Variants in ESRRG observed in about 807,000 individuals in gnomAD.
ESRRG encodes estrogen-related receptor gamma.
Under a neutral mutation model 44.0 loss-of-function variants are expected in ESRRG, and 13 were observed. The observed-to-expected ratio is 0.30, with a 90% CI of 0.19 to 0.47. The LOEUF (loss-of-function observed/expected upper bound fraction) is 0.47, where lower values mean the gene tolerates loss of function less well. Among genes scored for constraint, ESRRG ranks in the 20% least tolerant of loss-of-function variants. The probability of loss-of-function intolerance (pLI) is 1.00; values close to 1 mark genes in which losing one functional copy is unlikely to be tolerated. For missense variants in ESRRG, 395 were observed against 580.6 expected, an observed-to-expected ratio of 0.68 and a Z score of 3.29; for synonymous variants, 215 against 214.6, an observed-to-expected ratio of 1.00 and a Z score of -0.02.
At chr1:216,763,465 A>G (rs1019780036) in intron 2 of ESRRG, among the ~76,000 whole-genome samples, 2 of 152,134 alleles carry the variant, frequency 1.3e-5, no homozygotes, top group South Asian at 2.1e-4. Flanking sequence ...GTATCAGAGG[A>G]TAAGTGGGAG....
intron 2 of ESRRG, among the ~76,000 whole-genome samples, chr1:216,733,902 T>C (rs1365504865): frequency 1.3e-5 from 2 of 150,930 alleles, no homozygotes; most frequent in South Asian, 2.1e-4. Flanking sequence ...GGCAGGAGAA[T>C]TGCCTGAACC....
At chr1:216,575,037 A>T (rs969622984) in intron 3 of ESRRG, among the ~76,000 whole-genome samples, 1 of 152,118 alleles carries the variant, frequency 6.6e-6, no homozygotes, top group Non-Finnish European at 1.5e-5. Context: ...GAAAAGAAGC[A>T]AAGGCAGATT....
At chr1:217,038,105 G>A (rs892877988) in intron 1 of ESRRG, among the ~76,000 whole-genome samples, 7 of 152,182 alleles carry the variant, frequency 4.6e-5, no homozygotes, top group African/African-American at 7.2e-5. Flanking sequence ...AGCTGTTGGT[G>A]TATCCACTAT....
chr1:216,735,648 A>G (rs1291176797), intron 2 of ESRRG, among the ~76,000 whole-genome samples: 1 of 152,140 alleles, frequency 6.6e-6, no homozygotes, highest in East Asian at 1.9e-4. Flanking sequence ...AAATCTACAT[A>G]CTTATGTGAC....
At chr1:216,927,924 G>A (rs2062808045) in intron 2 of ESRRG, among the ~76,000 whole-genome samples, 1 of 152,238 alleles carries the variant, frequency 6.6e-6, no homozygotes, top group Non-Finnish European at 1.5e-5. Flanking sequence ...AGGGAAAAGA[G>A]TTTAATCCAG....
At chr1:216,873,552 G>A (rs1051070971) in intron 2 of ESRRG, among the ~76,000 whole-genome samples, 13 of 151,954 alleles carry the variant, frequency 8.6e-5, no homozygotes, top group African/African-American at 2.4e-4. Context: ...CTTTTCCCAA[G>A]CTCTTAACCA....
At chr1:216,872,879 T>A (rs2096277596) in intron 2 of ESRRG, among the ~76,000 whole-genome samples, 1 of 152,216 alleles carries the variant, frequency 6.6e-6, no homozygotes, top group Non-Finnish European at 1.5e-5. Flanking sequence ...TTAGATAGTA[T>A]CTGGGACATT....
At chr1:217,051,111 T>C (rs1357495484) in intron 1 of ESRRG, among the ~76,000 whole-genome samples, 7 of 150,154 alleles carry the variant, frequency 4.7e-5, no homozygotes, top group Non-Finnish European at 1.0e-4. Flanking sequence ...ATATCCAGGA[T>C]CTAAGGCCTA....
At chr1:216,652,760 A>G (rs1427231511) in intron 2 of ESRRG, among the ~76,000 whole-genome samples, 1 of 152,158 alleles carries the variant, frequency 6.6e-6, no homozygotes, top group East Asian at 1.9e-4. Flanking sequence ...TGAACTTTAG[A>G]TGAACCACTC....
intron 2 of ESRRG, among the ~76,000 whole-genome samples, chr1:216,849,994 T>C (rs1351677771): frequency 6.6e-6 from 1 of 152,158 alleles, no homozygotes; most frequent in Admixed American, 6.6e-5. Flanking sequence ...AAAATTTTCA[T>C]TCTAAATAAA....
intron 5 of ESRRG, among the ~76,000 whole-genome samples, chr1:216,555,927 C>A (rs2057451551): frequency 6.6e-6 from 1 of 152,094 alleles, no homozygotes; most frequent in East Asian, 1.9e-4. Context: ...AAAAGTGCGA[C>A]CAGCCCACTG....
chr1:216,594,733 A>T (rs926925042), intron 3 of ESRRG, among the ~76,000 whole-genome samples: 13 of 152,216 alleles, frequency 8.5e-5, no homozygotes, highest in African/African-American at 3.1e-4. Context: ...GAGACTTAGG[A>T]TTTAGAAAGA....
intron 6 of ESRRG, among the ~76,000 whole-genome samples, chr1:216,511,901 A>G (rs1410130264): frequency 3.3e-5 from 5 of 152,228 alleles, no homozygotes. Flanking sequence ...GTTTGAGTAC[A>G]TGTGTTTATA....
chr1:216,721,301 A>G (rs1200428213), intron 1 of ESRRG, among the ~76,000 whole-genome samples: 1 of 152,250 alleles, frequency 6.6e-6, no homozygotes, highest in Non-Finnish European at 1.5e-5. Context: ...ATTTCTGTGT[A>G]TACACACACG....
chr1:216,879,178 C>T (rs2096403507), intron 2 of ESRRG, among the ~76,000 whole-genome samples: 1 of 152,060 alleles, frequency 6.6e-6, no homozygotes, highest in Non-Finnish European at 1.5e-5. Context: ...ATCTGCTTTG[C>T]CATCTGTCTT....
chr1:216,790,194 C>T (rs912018585), intron 2 of ESRRG, among the ~76,000 whole-genome samples: 2 of 152,102 alleles, frequency 1.3e-5, no homozygotes, highest in African/African-American at 4.8e-5. Context: ...CAGTCTGTTA[C>T]ATGACAGAGA....
intron 2 of ESRRG, among the ~76,000 whole-genome samples, chr1:216,846,243 T>C (rs1033210064): frequency 3.9e-5 from 6 of 152,160 alleles, no homozygotes; most frequent in African/African-American, 4.8e-5. Flanking sequence ...TCTTTACGTA[T>C]TCTTGATCAC....
At chr1:217,037,532 G>A (rs2151089612) in intron 1 of ESRRG, among the ~76,000 whole-genome samples, 1 of 152,228 alleles carries the variant, frequency 6.6e-6, no homozygotes, top group East Asian at 1.9e-4. Flanking sequence ...ATCTCCTACT[G>A]AGTCCCTCTC....
intron 1 of ESRRG, among the ~76,000 whole-genome samples, chr1:216,705,976 G>A (rs2082364918): frequency 6.6e-6 from 1 of 152,096 alleles, no homozygotes; most frequent in African/African-American, 2.4e-5. Flanking sequence ...TGGGGGTGGG[G>A]TGGAAGTGGG....
Sources: gnomAD v4.1 joint callset for allele counts (sites outside exome capture counted in the v4.1 genomes callset) on GRCh38, gnomAD v4.1.1 for gene constraint, MANE v1.5 for transcripts, NCBI Gene and HGNC (gene_info 2026-07-23, HGNC 2026-07-21) for gene names.